CHD6: variants seen among roughly 807,000 people sequenced by gnomAD.
CHD6 encodes chromodomain helicase DNA binding protein 6.
In CHD6, 50 loss-of-function variants were observed where a neutral mutation model predicts 276.9. That is an observed-to-expected ratio of 0.18 (90% confidence interval 0.14 to 0.23). The LOEUF is 0.23. Ranked by LOEUF, CHD6 falls within the 10% of genes least tolerant of loss-of-function variation. The pLI, the probability that CHD6 is intolerant of heterozygous loss-of-function variation, is 1.00. For synonymous variants in CHD6, 1,173 were observed against 1,229.3 expected (o/e 0.95, Z 0.96); for missense variants, 2,564 against 3,365.8 (o/e 0.76, Z 5.89).
chr20:41,410,587 GTCT>G (rs2046813726), intron 36 of CHD6, among the ~76,000 whole-genome samples: 3 of 152,312 alleles, frequency 2.0e-5, no homozygotes, highest in Admixed American at 6.5e-5. Context: ...GCTGCCCGAG[GTCT>G]TCTTCTTGCC....
chr20:41,542,726 A>G (rs1472842369), intron 2 of CHD6, among the ~76,000 whole-genome samples: 1 of 152,044 alleles, frequency 6.6e-6, no homozygotes, highest in Non-Finnish European at 1.5e-5. Flanking sequence ...GTATTCATGG[A>G]TAAGGAATTG....
intron 2 of CHD6, among the ~76,000 whole-genome samples, chr20:41,535,738 C>T (rs1037084266): frequency 4.6e-5 from 7 of 152,068 alleles, no homozygotes; most frequent in Admixed American, 3.9e-4. Flanking sequence ...TGGTGGTGCA[C>T]ACCTGTAGTC....
At position 41,473,360 on chromosome 20, in the gene CHD6, T is replaced by A; in HGVS notation, c.2626A>T (p.Ile876Leu). The A allele has an allele frequency of 6.2e-7, 1 of 1,614,038 alleles. No homozygotes were observed. The highest frequency in any genetic ancestry group is 8.5e-7 in the Non-Finnish European group (1 of 1,179,976). Reference protein sequence around the residue: ...INLTAADTCIIFDSDWNPQND... With the variant: ...INLTAADTCILFDSDWNPQND... ...TGTGGGTTCCAGTCAGAATCAAATA[T>A]GATGCAGGTATCAGCAGCTGTGAGA... The change falls in exon 17 of 37, where the codon ATA becomes TTA. Residue 876 changes from isoleucine to leucine, a missense_variant. By Grantham distance (5) the Ile-to-Leu change is conservative. This residue lies in a region of CHD6 where 457 missense variants were observed against 889.0 expected (regional missense o/e 0.51). Coordinates refer to ENST00000373233, the MANE Select transcript of CHD6 (RefSeq NM_032221.5). The surrounding 1 kb of genome is among the most constrained non-coding windows in gnomAD (Gnocchi z 4.1).
In CHD6 at chr20:41,404,502, A is replaced by G. The variant is rs1318860221; in HGVS notation, c.*91T>C. 5 of 1,419,464 alleles carry G rather than the reference A, an allele frequency of 3.5e-6. No homozygotes were observed. Among genetic ancestry groups the G allele is most frequent in the Non-Finnish European group, 4.6e-6 (5 of 1,084,108 alleles). 87.9% of individuals were successfully genotyped at this position (1,419,464 alleles called of 1,614,324 possible). A position where few individuals can be genotyped will look rare whatever the true frequency, so the allele number is the denominator to read the frequency against. ...TACGTAATCTTACTTATGGAAACAC[A>G]GGTTCTTATGGAGGTGAAGTGAGGG... On this transcript the variant is annotated 3_prime_UTR_variant, in exon 37 of 37. Transcript: ENST00000373233.
At position 41,585,424 on chromosome 20, in the gene CHD6, TGGTTGCAGTGAGCCAAGA is replaced by T. The variant is rs568568784; in HGVS notation, c.-24+32898_-24+32915del. ...CTGAGGCAGGAGAATTGCTTGAACC[TGGTTGCAGTGAGCCAAGA>T]GGTTGCAGTGAGCCAAGATCGCACC... On this transcript the variant is annotated intron_variant, in intron 1 of 36. Coordinates refer to ENST00000373233, the MANE Select transcript of CHD6 (RefSeq NM_032221.5). 1.7e-3 allele frequency among the ~76,000 whole-genome samples: 249 copies of T among 149,632 alleles called. 1 individual carries two copies. The highest frequency in any genetic ancestry group is 5.7e-3 in the East Asian group (29 of 5,044).
At chr20:41,610,483 C>T (rs984872803) in intron 1 of CHD6, among the ~76,000 whole-genome samples, 2 of 152,096 alleles carry the variant, frequency 1.3e-5, no homozygotes, top group African/African-American at 4.8e-5. Flanking sequence ...ATTGATAGGC[C>T]GGGTGCGGTA....
At chr20:41,551,668 T>A (rs2045148953) in intron 1 of CHD6, among the ~76,000 whole-genome samples, 1 of 152,198 alleles carries the variant, frequency 6.6e-6, no homozygotes, top group Non-Finnish European at 1.5e-5. Flanking sequence ...AACAATAACA[T>A]GCCTTTACTG....
At chr20:41,518,301 C>T (rs1368972166) in intron 3 of CHD6, among the ~76,000 whole-genome samples, 8 of 152,168 alleles carry the variant, frequency 5.3e-5, no homozygotes, top group East Asian at 1.9e-4. Context: ...TGCGTGCGCG[C>T]GTGCCCACAT....
intron 36 of CHD6, among the ~76,000 whole-genome samples, chr20:41,410,745 A>G (rs2046816990): frequency 1.3e-5 from 2 of 152,320 alleles, no homozygotes; most frequent in Admixed American, 6.5e-5. Flanking sequence ...GGAGGGATGA[A>G]CACTAATTTC....
At position 41,416,745 on chromosome 20, in the gene CHD6, T is replaced by C; in HGVS notation, c.6329A>G (p.Lys2110Arg). The C allele has an allele frequency of 1.9e-6, 3 of 1,610,972 alleles. No individual in the cohort carries two copies. The highest frequency in any genetic ancestry group is 2.5e-6 in the Non-Finnish European group (3 of 1,177,878). ...CTGCTGGCTAGAGGGCCACTTCCCC[T>C]TTAACACCACGTGGCAGATATTATC... Reference protein sequence around the residue: ...RLDNICHVVLKGKWPSSQQYE... With the variant: ...RLDNICHVVLRGKWPSSQQYE... Residue 2110 changes from lysine to arginine, a missense_variant, in exon 33 of 37, where the codon AAG (lysine) becomes AGG (arginine). By Grantham distance (26) the Lys-to-Arg change is conservative (BLOSUM62 2). This residue lies in a region of CHD6 where 1,024 missense variants were observed against 1,047.9 expected (regional missense o/e 0.98). Transcript: ENST00000373233.
At chr20:41,556,772 A>G (rs897084619) in intron 1 of CHD6, among the ~76,000 whole-genome samples, 1 of 152,214 alleles carries the variant, frequency 6.6e-6, no homozygotes, top group Admixed American at 6.5e-5. Flanking sequence ...ATAGGTGTTC[A>G]ATAAGCATTT....
At chr20:41,427,054 G>A (rs1276225515) in intron 27 of CHD6, among the ~76,000 whole-genome samples, 1 of 152,066 alleles carries the variant, frequency 6.6e-6, no homozygotes, top group Admixed American at 6.5e-5. Context: ...TTTCTGTGTG[G>A]CCCTCAAGCT....
rs749772280 is a variant in CHD6 at position 41,421,244 on chromosome 20, C to A, written c.5391G>T (p.Gln1797His). The change falls in exon 31 of 37, where the codon CAG becomes CAT. Residue 1797 changes from glutamine (Q) to histidine (H), a missense_variant. Physicochemically the swap from Gln to His is conservative, Grantham distance 24. Transcript: ENST00000373233. ...EGELCCSEAG[Q>H]RPENIGQLEA... ...CCAGCTGGCCAATGTTTTCAGGTCT[C>A]TGTCCTGCCTCACTGCAGCAGAGCT... is the stretch of plus-strand genomic sequence containing the variant. 4 of 1,614,072 alleles carry A rather than the reference C, an allele frequency of 2.5e-6. No homozygotes were observed. Among genetic ancestry groups the A allele is most frequent in the Non-Finnish European group, 3.4e-6 (4 of 1,180,030 alleles).
At chr20:41,513,527 T>A (rs1216371100) in intron 4 of CHD6, among the ~76,000 whole-genome samples, 2 of 152,214 alleles carry the variant, frequency 1.3e-5, no homozygotes, top group Non-Finnish European at 2.9e-5. Context: ...CTTCTTGAAA[T>A]GCAGGGAGAC....
chr20:41,567,907 A>G (rs2045376593), intron 1 of CHD6, among the ~76,000 whole-genome samples: 1 of 152,166 alleles, frequency 6.6e-6, no homozygotes, highest in African/African-American at 2.4e-5. Context: ...TCTCCCTGTA[A>G]CTACACAGAT....
At chr20:41,493,767 A>G in intron 9 of CHD6, 91 bp downstream of exon 9, 1 of 1,555,756 alleles carries the variant, frequency 6.4e-7, no homozygotes, top group Non-Finnish European at 8.8e-7. Flanking sequence ...ACGTGACTAG[A>G]CAGGAATACC....
chr20:41,403,175 TA>T lies in CHD6; in HGVS notation c.*1417del. ...ATTAGCAAAACTGTAACAGAAAAAG[TA>T]AAAAATACAGTAAATTGTGACAACA... On this transcript the variant is annotated 3_prime_UTR_variant, in exon 37 of 37. Coordinates refer to ENST00000373233, the MANE Select transcript of CHD6 (RefSeq NM_032221.5). 1 of 807,160 alleles carries T rather than the reference TA, an allele frequency of 1.2e-6. No individual in the cohort carries two copies. The highest frequency in any genetic ancestry group is 1.5e-6 in the Non-Finnish European group (1 of 645,484). The allele number at this position is 807,160 out of a possible 1,614,324, so 50.0% of individuals were successfully genotyped here.
intron 2 of CHD6, among the ~76,000 whole-genome samples, chr20:41,535,643 G>C (rs1230400641): frequency 6.6e-6 from 1 of 152,138 alleles, no homozygotes; most frequent in Non-Finnish European, 1.5e-5. Context: ...AGAACCACTT[G>C]AGGTCAGGAG....
intron 23 of CHD6, among the ~76,000 whole-genome samples, chr20:41,450,039 T>C (rs898923377): frequency 2.0e-5 from 3 of 152,230 alleles, no homozygotes; most frequent in Non-Finnish European, 4.4e-5. Flanking sequence ...TACATTAGTT[T>C]TTATTACAGT....
Sources: allele counts gnomAD v4.1 joint callset (sites outside exome capture counted in the v4.1 genomes callset), GRCh38; gene constraint gnomAD v4.1.1; regional missense constraint gnomAD v4.1.1; non-coding constraint Gnocchi (gnomAD v3.1); transcripts MANE v1.5; gene names NCBI Gene and HGNC (gene_info 2026-07-23, HGNC 2026-07-21).